Variants in PCSK6 observed in about 807,000 individuals in gnomAD.
PCSK6 encodes paired basic amino acid cleaving enzyme 4.
PCSK6 carries 85 observed loss-of-function variants against 123.3 expected under a neutral mutation model. The observed-to-expected ratio is 0.69, with a 90% CI of 0.58 to 0.83. The LOEUF (loss-of-function observed/expected upper bound fraction) is 0.83, where lower values mean the gene tolerates loss of function less well. PCSK6 is among the 40% of genes least tolerant of loss of function. The pLI is 0.00. For synonymous variants in PCSK6, 508 were observed against 516.0 expected, an observed-to-expected ratio of 0.98 and a Z score of 0.21; for missense variants, 1,191 against 1,282.3, an observed-to-expected ratio of 0.93 and a Z score of 1.09.
intron 13 of PCSK6, among the ~76,000 whole-genome samples, chr15:101,333,798 TGGGC>T (rs1394278213): frequency 7.4e-4 from 3 of 4,032 alleles, no homozygotes; most frequent in Non-Finnish European, 1.0e-3. Context: ...CCTGGGTGGG[TGGGC>T]GGGCAGGTGA....
At chr15:101,461,390 G>A (rs976319061) in intron 1 of PCSK6, among the ~76,000 whole-genome samples, 1 of 152,120 alleles carries the variant, frequency 6.6e-6, no homozygotes, top group Non-Finnish European at 1.5e-5. Flanking sequence ...CTCTCACACA[G>A]AACAGGCCTA....
intron 1 of PCSK6, among the ~76,000 whole-genome samples, chr15:101,468,661 AG>A (rs1487367272): frequency 6.6e-6 from 1 of 152,220 alleles, no homozygotes. Flanking sequence ...TCCATGAAGG[AG>A]ACAGCAGTTG....
chr15:101,351,191 T>C (rs1264377514), intron 13 of PCSK6, among the ~76,000 whole-genome samples: 1 of 152,206 alleles, frequency 6.6e-6, no homozygotes, highest in Admixed American at 6.5e-5. Flanking sequence ...GATATTCCCA[T>C]ATGGAAATCG....
chr15:101,449,899 G>T (rs924862949), intron 1 of PCSK6, among the ~76,000 whole-genome samples: 4 of 152,092 alleles, frequency 2.6e-5, no homozygotes, highest in African/African-American at 9.7e-5. Context: ...CCAAGCACGT[G>T]GCCCCATAAT....
At chr15:101,443,730 C>A (rs1174130102) in intron 1 of PCSK6, 70 bp from the exon 2 acceptor site, 9 of 1,082,432 alleles carry the variant, frequency 8.3e-6, no homozygotes, top group Non-Finnish European at 1.3e-5. Flanking sequence ...TTCCACCCCA[C>A]AAGAATCTCC....
chr15:101,441,771 A>G (rs1312738282), intron 2 of PCSK6, among the ~76,000 whole-genome samples: 1 of 152,228 alleles, frequency 6.6e-6, no homozygotes, highest in Non-Finnish European at 1.5e-5. Context: ...GCTTGCTTTC[A>G]TTGTAACTAT....
chr15:101,368,643 T>C (rs1596243948), intron 12 of PCSK6, among the ~76,000 whole-genome samples: 2 of 152,144 alleles, frequency 1.3e-5, no homozygotes, highest in African/African-American at 4.8e-5. Context: ...GCTCTGGCTC[T>C]GAGTCAGGGG....
intron 19 of PCSK6, among the ~76,000 whole-genome samples, chr15:101,315,804 C>T (rs56823857): frequency 0.026 from 3,991 of 152,340 alleles, 179 homozygotes; most frequent in African/African-American, 0.089. Context: ...TCCCACGGGG[C>T]CACTGCATTA....
chr15:101,480,881 C>T (rs765000377), intron 1 of PCSK6, among the ~76,000 whole-genome samples: 3 of 151,618 alleles, frequency 2.0e-5, no homozygotes, highest in East Asian at 1.9e-4. Flanking sequence ...GATGAGAAAG[C>T]GATGGTGGGG....
intron 18 of PCSK6, among the ~76,000 whole-genome samples, chr15:101,320,321 AG>A (rs1298570477): frequency 9.9e-5 from 15 of 152,258 alleles, no homozygotes; most frequent in Middle Eastern, 3.4e-3. Context: ...CCTAGCCTCA[AG>A]TGATCTGCCT....
rs531140527 is a variant in PCSK6, at chr15:101,326,521, T to C, written c.2078-42A>G. ...TTGCCTTTCATCCAGAGAGACGCCTTCTCCATCTACTGCAGTCCCGCGGAT... is the reference window on the plus strand; with the variant it reads ...TTGCCTTTCATCCAGAGAGACGCCTCCTCCATCTACTGCAGTCCCGCGGAT... On this transcript the variant is annotated intron_variant, in intron 15 of 21. Transcript: ENST00000611716. 9.9e-6 allele frequency: 15 copies of C among 1,516,230 alleles called. No individual in the cohort carries two copies. The South Asian group carries it at 1.8e-4, about 18-fold the overall frequency. The allele number at this position is 1,516,230 out of a possible 1,614,324, so 93.9% of individuals were successfully genotyped here.
chr15:101,458,722 C>T (rs974999505), intron 1 of PCSK6, among the ~76,000 whole-genome samples: 1 of 152,188 alleles, frequency 6.6e-6, no homozygotes, highest in Non-Finnish European at 1.5e-5. Context: ...TTCTCCCCAG[C>T]GGCAACCACA....
Position 101,387,844 on chromosome 15 carries a change from C to G in PCSK6, c.1310+1620G>C, listed in dbSNP as rs537225509. Among the ~76,000 whole-genome samples the G allele has an allele frequency of 6.7e-5, 5 of 74,344 alleles. No individual in the cohort carries two copies. The South Asian group carries it at 1.3e-3, about 19-fold the overall frequency. 48.8% of individuals were successfully genotyped at this position (74,344 alleles called of 152,430 possible). ...GCGAGAGCTATCCCAGGCTACAGGT[C>G]TGCTCAACACAGGTTTTCAAATTCC... On this transcript the variant is annotated intron_variant, in intron 9 of 21. Transcript: ENST00000611716.
intron 1 of PCSK6, among the ~76,000 whole-genome samples, chr15:101,453,920 C>A (rs2057104875): frequency 6.6e-6 from 1 of 152,204 alleles, no homozygotes; most frequent in Admixed American, 6.5e-5. Flanking sequence ...GCACCAAAGG[C>A]TGTGCACAGC....
chr15:101,321,209 CTT>C (rs368099318), intron 18 of PCSK6, among the ~76,000 whole-genome samples: 65 of 152,354 alleles, frequency 4.3e-4, no homozygotes, highest in African/African-American at 1.5e-3. Flanking sequence ...TCTTCCAACT[CTT>C]TTATCTTTGG....
chr15:101,435,889 G>A (rs1415966681), intron 2 of PCSK6, among the ~76,000 whole-genome samples: 1 of 152,210 alleles, frequency 6.6e-6, no homozygotes. Flanking sequence ...GGCTGTCCAT[G>A]CCACCGAGTT....
At chr15:101,392,167 C>T (rs1379696947) in intron 8 of PCSK6, among the ~76,000 whole-genome samples, 1 of 152,204 alleles carries the variant, frequency 6.6e-6, no homozygotes, top group Admixed American at 6.5e-5. Context: ...TAATAAGACC[C>T]TAGCAGGTCC....
chr15:101,429,811 C>T (rs993776243), intron 5 of PCSK6, among the ~76,000 whole-genome samples, 176 bp downstream of exon 5: 18 of 152,372 alleles, frequency 1.2e-4, no homozygotes, highest in East Asian at 7.7e-4. Flanking sequence ...AGAAGCTGGC[C>T]GTGCCTGAAG....
intron 9 of PCSK6, among the ~76,000 whole-genome samples, chr15:101,387,957 G>A (rs118188817): frequency 0.017 from 2,567 of 152,328 alleles, 34 homozygotes; most frequent in Non-Finnish European, 0.026. Context: ...TGCCTGATCC[G>A]TCCCCTGTAT....
Sources: gnomAD v4.1 joint callset for allele counts (sites outside exome capture counted in the v4.1 genomes callset) on GRCh38, gnomAD v4.1.1 for gene constraint, MANE v1.5 for transcripts, NCBI Gene and HGNC (gene_info 2026-07-23, HGNC 2026-07-21) for gene names.